GOLGA1: variants seen among roughly 807,000 people sequenced by gnomAD.
The protein encoded by GOLGA1 is golgin subfamily A member 1.
A neutral mutation model predicts 119.7 loss-of-function variants in GOLGA1; 63 were observed. The ratio of observed to expected loss-of-function variants is 0.53; its 90% CI spans 0.43 to 0.65. The LOEUF is 0.65. Ranked by LOEUF, GOLGA1 falls within the 30% of genes least tolerant of loss-of-function variation. The pLI, the probability that GOLGA1 is intolerant of heterozygous loss-of-function variation, is 0.00. For synonymous variants in GOLGA1, 318 were observed against 333.4 expected (o/e 0.95, Z 0.50); for missense variants, 798 against 912.8 (o/e 0.87, Z 1.62).
At chr9:124,940,624 G>C (rs987952871) in intron 1 of GOLGA1, among the ~76,000 whole-genome samples, 1 of 152,218 alleles carries the variant, frequency 6.6e-6, no homozygotes. Context: ...GCCTGCCACG[G>C]CAGTTTGGAT....
At chr9:124,928,541 A>G (rs1830714777) in intron 5 of GOLGA1, among the ~76,000 whole-genome samples, 1 of 151,934 alleles carries the variant, frequency 6.6e-6, no homozygotes, top group Admixed American at 6.7e-5. Flanking sequence ...CAAAGATGCC[A>G]AAAGGTAACT....
upstream of GOLGA1, chr9:124,944,271 C>T (rs541370410): frequency 6.1e-4 from 92 of 151,336 alleles, no homozygotes; most frequent in Middle Eastern, 3.4e-3. Flanking sequence ...TAACAAAAAC[C>T]ATTCTTCAGG....
intron 8 of GOLGA1, among the ~76,000 whole-genome samples, chr9:124,922,438 C>T (rs1282864471): frequency 6.6e-6 from 1 of 150,818 alleles, no homozygotes; most frequent in African/African-American, 2.4e-5. Context: ...GTAGTCCCAG[C>T]TACTCGGGAG....
intron 10 of GOLGA1, among the ~76,000 whole-genome samples, chr9:124,918,605 A>G (rs1276718689): frequency 6.6e-6 from 1 of 152,020 alleles, no homozygotes; most frequent in Non-Finnish European, 1.5e-5. Flanking sequence ...CTCTACTAAA[A>G]ATACAAAAAT....
intron 11 of GOLGA1, among the ~76,000 whole-genome samples, chr9:124,908,876 A>C (rs925146499): frequency 2.0e-5 from 3 of 152,174 alleles, no homozygotes; most frequent in Non-Finnish European, 4.4e-5. Context: ...GGGAACTACT[A>C]CTCCTCAGAA....
chr9:124,925,359 A>ATTT (rs11357664), intron 7 of GOLGA1, among the ~76,000 whole-genome samples: 80 of 141,976 alleles, frequency 5.6e-4, no homozygotes, highest in Non-Finnish European at 1.1e-3. Flanking sequence ...ATGGTTGAGG[A>ATTT]TTTTTTTTTT....
At chr9:124,892,624 C>T (rs1353611666) in intron 15 of GOLGA1, among the ~76,000 whole-genome samples, 1 of 151,760 alleles carries the variant, frequency 6.6e-6, no homozygotes, top group Non-Finnish European at 1.5e-5. Context: ...TTTCTTTGAC[C>T]TATGGGTTAT....
In GOLGA1 at chr9:124,928,364, G is replaced by A. The variant is rs557262820; in HGVS notation, c.302-79C>T. ...ACAAATAGCCCATGTGATTACAACT[G>A]TCACCTAATGAAAAAGGCCAAAGTC... is the stretch of plus-strand genomic sequence containing the variant. On this transcript the variant is annotated intron_variant, in intron 5 of 22. Transcript: ENST00000373555. 6.2e-4 allele frequency: 419 copies of A among 672,586 alleles called. 1 individual carries two copies. Among genetic ancestry groups the A allele is most frequent in the Non-Finnish European group, 9.7e-4 (381 of 391,894 alleles). 41.7% of individuals were successfully genotyped at this position (672,586 alleles called of 1,614,324 possible).
chr9:124,908,521 T>C (rs766913468), intron 11 of GOLGA1, 49 bp from the exon 12 acceptor site: 2 of 956,962 alleles, frequency 2.1e-6, no homozygotes, highest in Non-Finnish European at 3.5e-6. Context: ...CTCAGTTGAA[T>C]AAATATTTAC....
At chr9:124,885,903 C>A (rs13283523) in intron 19 of GOLGA1, among the ~76,000 whole-genome samples, 1 of 152,014 alleles carries the variant, frequency 6.6e-6, no homozygotes, top group Non-Finnish European at 1.5e-5. Context: ...ATACCATCTT[C>A]CAGAGAAGAG....
intron 19 of GOLGA1, among the ~76,000 whole-genome samples, chr9:124,884,717 T>C (rs1052014158): frequency 1.3e-5 from 2 of 152,174 alleles, no homozygotes; most frequent in Admixed American, 1.3e-4. Flanking sequence ...TGATTTCTAT[T>C]CTCTTGGCTG....
Position 124,888,319 on chromosome 9 carries a change from G to C in GOLGA1, c.1839C>G (p.Ala613=), listed in dbSNP as rs1829771684. 3.1e-6 allele frequency: 5 copies of C among 1,613,836 alleles called. No homozygotes were observed. The highest frequency in any genetic ancestry group is 4.2e-6 in the Non-Finnish European group (5 of 1,179,756). The stretch of plus-strand genomic sequence containing the variant: ...CCTTCTGTAGCTGTGTGAGATCCAT[G>C]GCCCCAACCTCACCATTTGGTGTTC... ...AGRTPNGEVG[A]MDLTQLQKEK... is the part of the protein sequence containing the mutation. Residue 613 remains alanine (A), a synonymous_variant, in exon 19 of 23, where the codon GCC becomes GCG. Transcript: ENST00000373555. This position sits in a 1 kb window ranked among gnomAD's most constrained non-coding sequence, Gnocchi z 4.4.
intron 7 of GOLGA1, among the ~76,000 whole-genome samples, chr9:124,923,530 G>A (rs528547446): frequency 1.3e-5 from 2 of 152,002 alleles, no homozygotes; most frequent in African/African-American, 2.4e-5. Flanking sequence ...ACAGAAATAT[G>A]GCATTATTTA....
At chr9:124,912,155 A>G (rs1830353476) in intron 10 of GOLGA1, 129 bp from the exon 11 acceptor site, 1 of 777,088 alleles carries the variant, frequency 1.3e-6, no homozygotes. Context: ...AACAGCTAAG[A>G]GATCTTCCTG....
intron 18 of GOLGA1, 125 bp downstream of exon 18, chr9:124,889,018 A>C: frequency 1.4e-6 from 1 of 727,946 alleles, no homozygotes; most frequent in Non-Finnish European, 2.2e-6. Flanking sequence ...ACTTCAAAGA[A>C]AGGACCCTAC....
intron 16 of GOLGA1, among the ~76,000 whole-genome samples, chr9:124,889,800 C>G (rs572275112): frequency 2.2e-4 from 34 of 152,336 alleles, no homozygotes; most frequent in African/African-American, 8.2e-4. Context: ...TCTGCCCAGC[C>G]CAACAAGCTG....
rs371867449 is a variant in GOLGA1 at position 124,882,499 on chromosome 9, C to T, written c.1965+11G>A. 1.9e-6 allele frequency: 3 copies of T among 1,603,468 alleles called. No homozygotes were observed. Among genetic ancestry groups the T allele is most frequent in the Non-Finnish European group, 2.6e-6 (3 of 1,171,950 alleles). On this transcript the variant is annotated intron_variant, in intron 20 of 22. Transcript: ENST00000373555. ...CTGGGAAGTGGGGCCAGCTCCCATG[C>T]GAGTACTCACCAGCTCCTTCTGCAG...
chr9:124,926,413 C>T (rs1830674252), intron 7 of GOLGA1, among the ~76,000 whole-genome samples: 1 of 152,146 alleles, frequency 6.6e-6, no homozygotes, highest in Admixed American at 6.5e-5. Flanking sequence ...CTGAACCCAA[C>T]CGGATGCCAG....
chr9:124,880,681 T>G (rs1829556898), intron 22 of GOLGA1, 71 bp from the exon 23 acceptor site: 5 of 914,902 alleles, frequency 5.5e-6, no homozygotes, highest in Non-Finnish European at 9.1e-6. Context: ...GAACCGCCCC[T>G]CCCCTCCCGT....
Sources: gnomAD v4.1 joint callset for allele counts (sites outside exome capture counted in the v4.1 genomes callset) on GRCh38, gnomAD v4.1.1 for gene constraint, Gnocchi (gnomAD v3.1) non-coding constraint, MANE v1.5 for transcripts, NCBI Gene and HGNC (gene_info 2026-07-23, HGNC 2026-07-21) for gene names.